Variants in BNIPL observed in about 807,000 individuals in gnomAD.
BNIPL encodes bcl-2/adenovirus E1B 19 kDa-interacting protein 2-like protein.
Under a neutral mutation model 47.0 loss-of-function variants are expected in BNIPL, and 33 were observed. That is an observed-to-expected ratio of 0.70 (90% CI 0.53 to 0.94). The LOEUF is 0.94. Among genes scored for constraint, BNIPL ranks in the 40% least tolerant of loss-of-function variants. The pLI is 0.00. For synonymous variants in BNIPL, 145 were observed against 162.7 expected (o/e 0.89, Z 0.83); for missense variants, 404 against 445.2 (o/e 0.91, Z 0.83).
intron 7 of BNIPL, 69 bp downstream of exon 7, chr1:151,043,796 T>G (rs1675918122): frequency 4.0e-6 from 6 of 1,497,202 alleles, no homozygotes; most frequent in Non-Finnish European, 5.5e-6. Flanking sequence ...CTATTATTTC[T>G]TCTTCCATTT....
rs1675609419 is a variant in BNIPL, at chr1:151,036,712, G to C, written c.-14G>C. The C allele has an allele frequency of 6.2e-7, 1 of 1,608,844 alleles. No homozygotes were observed. The highest frequency in any genetic ancestry group is 1.3e-5 in the African/African-American group (1 of 74,934). On this transcript the variant is annotated 5_prime_UTR_variant, in exon 1 of 10. Transcript: ENST00000368931. ...CCTAGGTGTTTAAAGAAGGAGGCAG[G>C]AAGACTTGTGAAGATGGGAACTATA...
intron 1 of BNIPL, 55 bp downstream of exon 1, chr1:151,036,821 G>T: frequency 6.6e-7 from 1 of 1,522,662 alleles, no homozygotes; most frequent in South Asian, 1.1e-5. Flanking sequence ...AGTCCGGAGA[G>T]ACTTCCCCAC....
At position 151,043,067 on chromosome 1, in the gene BNIPL, G is replaced by A. The variant is rs537421674; in HGVS notation, c.545G>A (p.Arg182Gln). The change falls in exon 5 of 10, where the codon CGA becomes CAA. Residue 182 changes from arginine to glutamine, a missense_variant. Transcript: ENST00000368931. ...GATGGACATCACTGGAGGGTGTTCCGAATGGGACCACGGGAGCAGCGCGTA... is the reference window on the plus strand; with the variant it reads ...GATGGACATCACTGGAGGGTGTTCCAAATGGGACCACGGGAGCAGCGCGTA... ...GEDGHHWRVF[R>Q]MGPREQRVDM... is the part of the protein sequence containing the mutation. 2.4e-5 allele frequency: 38 copies of A among 1,611,374 alleles called. No homozygotes were observed. The Admixed American group carries it at 4.1e-4, about 17-fold the overall frequency.
chr1:151,039,679 C>T (rs1267714958), intron 4 of BNIPL, among the ~76,000 whole-genome samples: 2 of 152,204 alleles, frequency 1.3e-5, no homozygotes, highest in Non-Finnish European at 2.9e-5. Flanking sequence ...AAGGTCACAT[C>T]ATGGAGGCCC....
chr1:151,047,588 C>G lies in BNIPL; in HGVS notation c.*901C>G, dbSNP rs587685535. On this transcript the variant is annotated 3_prime_UTR_variant, in exon 10 of 10. Transcript: ENST00000368931. ...AATAAACTGCGATGAGACATTTAAG[C>G]TCTGCTCCAAAGAAGTGAACGACTC... 17 of 531,498 alleles carry G rather than the reference C, an allele frequency of 3.2e-5. No individual in the cohort carries two copies. The Admixed American group carries it at 5.7e-4, about 18-fold the overall frequency. The allele number at this position is 531,498 out of a possible 1,614,324, so 32.9% of individuals were successfully genotyped here.
In BNIPL at chr1:151,043,061, T is replaced by G. The variant is rs587731776; in HGVS notation, c.539T>G (p.Val180Gly). The G allele has an allele frequency of 6.2e-7, 1 of 1,610,086 alleles. No homozygotes were observed. Among genetic ancestry groups the G allele is most frequent in the Non-Finnish European group, 8.5e-7 (1 of 1,179,040 alleles). The change falls in exon 5 of 10, where the codon GTG becomes GGG. Residue 180 changes from valine to glycine, a missense_variant. Physicochemically the swap from Val to Gly is moderately radical, Grantham distance 109. Coordinates refer to ENST00000368931, the MANE Select transcript of BNIPL (RefSeq NM_138278.4). ...VTGEDGHHWR[V>G]FRMGPREQRV... The stretch of plus-strand genomic sequence containing the variant: ...GGAGAAGATGGACATCACTGGAGGG[T>G]GTTCCGAATGGGACCACGGGAGCAG...
At chr1:151,044,414 T>G (rs1675935374) in intron 7 of BNIPL, among the ~76,000 whole-genome samples, 1 of 152,214 alleles carries the variant, frequency 6.6e-6, no homozygotes, top group African/African-American at 2.4e-5. Flanking sequence ...TCTTGCCATT[T>G]ATTTCCCTTT....
rs951160647 is a variant in BNIPL, at chr1:151,038,806, C to A, written c.213C>A (p.Thr71=). The part of the protein sequence containing the change: ...PKGDSQAAAG[T]PSTLALCGQR... ...TCCCCCTTTCTCCAGCTGCAGGTAC[C>A]CCCAGCACTTTAGCCCTGTGTGGCC... The change falls in exon 4 of 10, where the codon ACC becomes ACA. Residue 71 remains threonine, a synonymous_variant. Transcript: ENST00000368931. 1 of 1,589,704 alleles carries A rather than the reference C, an allele frequency of 6.3e-7. No individual in the cohort carries two copies. The highest frequency in any genetic ancestry group is 1.8e-5 in the Admixed American group (1 of 56,656).
rs139761394 is a variant in BNIPL at position 151,040,823 on chromosome 1, G to A, written c.433+1797G>A. ...AAAAAAAAAAAAAAAAGAAGAAGCAGCTCTTTCTATTGCTATGGAAAGATC... is the reference window on the plus strand; with the variant it reads ...AAAAAAAAAAAAAAAAGAAGAAGCAACTCTTTCTATTGCTATGGAAAGATC... On this transcript the variant is annotated intron_variant, in intron 4 of 9. Transcript: ENST00000368931. Among the ~76,000 whole-genome samples, 1,041 of 148,340 alleles carry A rather than the reference G, an allele frequency of 7.0e-3. 15 individuals carry two copies. Among genetic ancestry groups the A allele is most frequent in the African/African-American group, 0.025 (992 of 40,220 alleles).
At position 151,043,605 on chromosome 1, in the gene BNIPL, G is replaced by A. The variant is rs1675908612; in HGVS notation, c.729G>A (p.Val243=). 1 of 1,611,502 alleles carries A rather than the reference G, an allele frequency of 6.2e-7. No homozygotes were observed. Among genetic ancestry groups the A allele is most frequent in the African/African-American group, 1.3e-5 (1 of 74,812 alleles). The change falls in exon 7 of 10, where the codon GTG becomes GTA. Residue 243 remains valine, a synonymous_variant. Coordinates refer to ENST00000368931, the MANE Select transcript of BNIPL (RefSeq NM_138278.4). The part of the protein sequence containing the change: ...YVMEHLFRYM[V]GTLELLVAEN... ...AATTTCATCCCCCCAGGTATATGGTGGGAACTCTGGAGCTGCTAGTAGCTG... is the reference window on the plus strand; with the variant it reads ...AATTTCATCCCCCCAGGTATATGGTAGGAACTCTGGAGCTGCTAGTAGCTG...
At chr1:151,038,745 G>T in intron 3 of BNIPL, 51 bp from the exon 4 acceptor site, 1 of 1,551,968 alleles carries the variant, frequency 6.4e-7, no homozygotes, top group Non-Finnish European at 8.7e-7. Flanking sequence ...AGCCCTCTCG[G>T]CTCTCCAACA....
chr1:151,043,212 T>TTGGA, intron 5 of BNIPL, 74 bp downstream of exon 5: 2 of 1,547,810 alleles, frequency 1.3e-6, no homozygotes, highest in Non-Finnish European at 8.9e-7. Flanking sequence ...GACTCAGTCA[T>TTGGA]TGGATCCAAA....
intron 9 of BNIPL, 102 bp from the exon 10 acceptor site, chr1:151,046,549 T>C: frequency 1.8e-6 from 2 of 1,099,766 alleles, no homozygotes; most frequent in Non-Finnish European, 2.7e-6. Context: ...AACCCAATCA[T>C]CTAGCTCTTC....
At chr1:151,046,262 G>C (rs962364876) in intron 9 of BNIPL, 97 bp downstream of exon 9, 3 of 1,513,298 alleles carry the variant, frequency 2.0e-6, no homozygotes, top group Admixed American at 4.7e-5. Context: ...AGAACGAAAA[G>C]CTAGAGGGCC....
intron 4 of BNIPL, among the ~76,000 whole-genome samples, chr1:151,039,228 T>A (rs771115819): frequency 6.6e-6 from 1 of 152,210 alleles, no homozygotes; most frequent in African/African-American, 2.4e-5. Flanking sequence ...GCCCATTGTT[T>A]ATTAAGGAAA....
chr1:151,038,832 A>G lies in BNIPL; in HGVS notation c.239A>G (p.Gln80Arg), dbSNP rs1385827186. The G allele has an allele frequency of 6.2e-7, 1 of 1,610,482 alleles. No homozygotes were observed. Among genetic ancestry groups the G allele is most frequent in the Non-Finnish European group, 8.5e-7 (1 of 1,178,130 alleles). Residue 80 changes from glutamine (Q) to arginine (R), a missense_variant, in exon 4 of 10, where the codon CAG becomes CGG. Coordinates refer to ENST00000368931, the MANE Select transcript of BNIPL (RefSeq NM_138278.4). ...GTPSTLALCG[Q>R]RPMRKRLSAP... is the part of the protein sequence containing the mutation. ...CCCAGCACTTTAGCCCTGTGTGGCC[A>G]GCGCCCCATGCGCAAGCGTCTTTCT... is the stretch of plus-strand genomic sequence containing the variant.
rs369371688 is a variant in BNIPL, at chr1:151,036,678, C to T, written c.-48C>T. The T allele has an allele frequency of 1.3e-6, 2 of 1,548,376 alleles. No individual in the cohort carries two copies. Among genetic ancestry groups the T allele is most frequent in the Non-Finnish European group, 8.9e-7 (1 of 1,120,504 alleles). ...GTTGGGGGCTGGGACAACCAGCTCC[C>T]CAACAACTCCTAGGTGTTTAAAGAA... is the stretch of plus-strand genomic sequence containing the variant. On this transcript the variant is annotated 5_prime_UTR_variant, in exon 1 of 10. Coordinates refer to ENST00000368931, the MANE Select transcript of BNIPL (RefSeq NM_138278.4).
intron 4 of BNIPL, among the ~76,000 whole-genome samples, chr1:151,040,193 T>G (rs1675767820): frequency 6.6e-6 from 1 of 152,212 alleles, no homozygotes; most frequent in Admixed American, 6.5e-5. Context: ...AGGCAACATT[T>G]TGTTTTTGAG....
chr1:151,043,115 A>AT lies in BNIPL; in HGVS notation c.594dup (p.Lys199Ter). The AT allele has an allele frequency of 6.2e-7, 1 of 1,613,430 alleles. No individual in the cohort carries two copies. Among genetic ancestry groups the AT allele is most frequent in the Non-Finnish European group, 8.5e-7 (1 of 1,179,728 alleles). On this transcript the variant is annotated frameshift_variant, in exon 5 of 10. Coordinates refer to ENST00000368931, the MANE Select transcript of BNIPL (RefSeq NM_138278.4). LOFTEE classifies it high-confidence loss of function. ...GTAGACATGACTGTCATTGAGCCCT[A>AT]TAAGAAAGTCCTGTCTCATGGAGGT...
Sources: gnomAD v4.1 joint callset for allele counts (sites outside exome capture counted in the v4.1 genomes callset) on GRCh38, gnomAD v4.1.1 for gene constraint, MANE v1.5 for transcripts, NCBI Gene and HGNC (gene_info 2026-07-23, HGNC 2026-07-21) for gene names.